Variants in SCFD2 observed in about 807,000 individuals in gnomAD.
SCFD2 encodes sec1 family domain containing 2.
SCFD2 carries 54 observed loss-of-function variants against 58.9 expected under a neutral mutation model. The ratio of observed to expected loss-of-function variants is 0.92; its 90% CI spans 0.74 to 1.15. The LOEUF is 1.15. Among genes scored for constraint, SCFD2 ranks in the 50% most tolerant of loss-of-function variants. The probability of loss-of-function intolerance (pLI) is 0.00; values close to 1 mark genes in which losing one functional copy is unlikely to be tolerated. For synonymous variants in SCFD2, 321 were observed against 335.9 expected (o/e 0.96, Z 0.49); for missense variants, 805 against 836.6 (o/e 0.96, Z 0.47).
At chr4:53,183,132 C>T (rs562917204) in intron 4 of SCFD2, among the ~76,000 whole-genome samples, 1 of 152,308 alleles carries the variant, frequency 6.6e-6, no homozygotes, top group East Asian at 1.9e-4. Context: ...TACCATTTGA[C>T]CCAGCCATCC....
At chr4:52,963,467 A>G (rs1720896871) in intron 5 of SCFD2, among the ~76,000 whole-genome samples, 1 of 152,196 alleles carries the variant, frequency 6.6e-6, no homozygotes, top group South Asian at 2.1e-4. Flanking sequence ...CGAAAAGGCA[A>G]TGTATCTTTC....
At chr4:52,964,544 T>C (rs1720918251) in intron 5 of SCFD2, among the ~76,000 whole-genome samples, 1 of 152,218 alleles carries the variant, frequency 6.6e-6, no homozygotes, top group African/African-American at 2.4e-5. Flanking sequence ...TTCTAGGAGT[T>C]GCAGGCTAAG....
At chr4:53,079,333 C>T (rs1382906603) in intron 5 of SCFD2, among the ~76,000 whole-genome samples, 14 of 152,096 alleles carry the variant, frequency 9.2e-5, no homozygotes, top group Non-Finnish European at 1.5e-4. Context: ...CTGGTGAGGG[C>T]GATTACACAG....
intron 5 of SCFD2, among the ~76,000 whole-genome samples, chr4:53,137,684 C>T (rs1725983306): frequency 6.6e-6 from 1 of 152,134 alleles, no homozygotes; most frequent in Admixed American, 6.5e-5. Flanking sequence ...CCTTGTTGAC[C>T]TGGACTTTAA....
chr4:53,202,867 C>T (rs967311180), intron 4 of SCFD2, among the ~76,000 whole-genome samples: 3 of 152,284 alleles, frequency 2.0e-5, no homozygotes, highest in Admixed American at 6.5e-5. Context: ...GATTTTTGCA[C>T]ATTGATTTTG....
rs572535133 is a variant in SCFD2 at position 52,992,373 on chromosome 4, G to A, written c.1562-71503C>T. Among the ~76,000 whole-genome samples, 189 of 152,272 alleles carry A rather than the reference G, an allele frequency of 1.2e-3. 1 individual carries two copies. The highest frequency in any genetic ancestry group is 4.4e-3 in the African/African-American group (181 of 41,562). On this transcript the variant is annotated intron_variant, in intron 5 of 8. Coordinates refer to ENST00000401642, the MANE Select transcript of SCFD2 (RefSeq NM_152540.4). The stretch of plus-strand genomic sequence containing the variant: ...GAGTGCAGTGGCGTGATCTCGGCTC[G>A]CTACAACCTCCACCTCCCAGCCGCC...
chr4:53,078,676 G>A (rs1432777879), intron 5 of SCFD2, among the ~76,000 whole-genome samples: 1 of 152,052 alleles, frequency 6.6e-6, no homozygotes, highest in Admixed American at 6.6e-5. Flanking sequence ...GAACCCTAAG[G>A]TACAGAGAGG....
At chr4:53,072,865 T>TG (rs1210189889) in intron 5 of SCFD2, among the ~76,000 whole-genome samples, 1 of 152,118 alleles carries the variant, frequency 6.6e-6, no homozygotes, top group East Asian at 1.9e-4. Flanking sequence ...CCTAGTTTTC[T>TG]GTGGCCACAA....
chr4:53,084,084 C>T (rs1724230792), intron 5 of SCFD2, among the ~76,000 whole-genome samples: 1 of 152,132 alleles, frequency 6.6e-6, no homozygotes, highest in African/African-American at 2.4e-5. Context: ...GGTCTGACCA[C>T]AAATTTACCA....
chr4:52,997,759 A>T (rs1038058031), intron 5 of SCFD2, among the ~76,000 whole-genome samples: 1 of 152,186 alleles, frequency 6.6e-6, no homozygotes, highest in Non-Finnish European at 1.5e-5. Context: ...CAGATAAGGA[A>T]TTAGGGCCAA....
At chr4:52,894,454 C>T (rs1187352006) in intron 7 of SCFD2, among the ~76,000 whole-genome samples, 2 of 152,160 alleles carry the variant, frequency 1.3e-5, no homozygotes, top group Non-Finnish European at 2.9e-5. Context: ...CAGAAATGCA[C>T]TTTAAAAGTG....
At chr4:53,254,142 A>T (rs1247649327) in intron 4 of SCFD2, among the ~76,000 whole-genome samples, 1 of 152,160 alleles carries the variant, frequency 6.6e-6, no homozygotes, top group East Asian at 1.9e-4. Flanking sequence ...ACTATTGAGT[A>T]CCAGGCTGAA....
At chr4:52,932,474 CT>C (rs1298703654) in intron 5 of SCFD2, among the ~76,000 whole-genome samples, 2 of 152,062 alleles carry the variant, frequency 1.3e-5, no homozygotes, top group African/African-American at 4.8e-5. Flanking sequence ...TTCCATTATG[CT>C]TTTTGAGGTC....
chr4:53,343,737 T>C (rs1733964278), intron 2 of SCFD2, among the ~76,000 whole-genome samples: 2 of 152,160 alleles, frequency 1.3e-5, no homozygotes, highest in Admixed American at 6.5e-5. Flanking sequence ...CAGCAGCACA[T>C]CAAAAAGCTT....
intron 5 of SCFD2, among the ~76,000 whole-genome samples, chr4:53,011,851 C>T (rs1275443313): frequency 6.6e-6 from 1 of 152,172 alleles, no homozygotes; most frequent in African/African-American, 2.4e-5. Flanking sequence ...ATTATTATTT[C>T]TTCCTCTCTA....
chr4:53,283,053 T>A (rs1196936351), intron 3 of SCFD2, among the ~76,000 whole-genome samples: 4 of 152,178 alleles, frequency 2.6e-5, no homozygotes, highest in Admixed American at 2.6e-4. Context: ...ATAAAGCACA[T>A]GAATCTTAAA....
At position 52,918,687 on chromosome 4, in the gene SCFD2, T is replaced by C. The variant is rs372017188; in HGVS notation, c.1707+2038A>G. ...ATTAAGTATACATACCTATGAAATATTTATTTTATTCTATTTTTACAAAAA... is the reference window on the plus strand; with the variant it reads ...ATTAAGTATACATACCTATGAAATACTTATTTTATTCTATTTTTACAAAAA... On this transcript the variant is annotated intron_variant, in intron 6 of 8. Transcript: ENST00000401642. 4.6e-5 allele frequency among the ~76,000 whole-genome samples: 7 copies of C among 152,282 alleles called. No homozygotes were observed. In the East Asian group the frequency reaches 5.8e-4, roughly 13 times the overall value.
chr4:53,138,394 AAT>A (rs1726006376), intron 5 of SCFD2, among the ~76,000 whole-genome samples: 1 of 152,216 alleles, frequency 6.6e-6, no homozygotes, highest in South Asian at 2.1e-4. Context: ...GATCTTTAAA[AAT>A]AGTGTTTTGA....
intron 4 of SCFD2, among the ~76,000 whole-genome samples, chr4:53,244,454 C>T (rs1479352022): frequency 3.9e-5 from 6 of 152,140 alleles, no homozygotes; most frequent in African/African-American, 1.4e-4. Context: ...GGAAACCATA[C>T]AATTACATGG....
Sources: allele counts gnomAD v4.1 joint callset (sites outside exome capture counted in the v4.1 genomes callset), GRCh38; gene constraint gnomAD v4.1.1; transcripts MANE v1.5; gene names NCBI Gene and HGNC (gene_info 2026-07-23, HGNC 2026-07-21).